Variants in CDHR2 observed in about 807,000 individuals in gnomAD.
The protein encoded by CDHR2 is cadherin-related family member 2.
Under a neutral mutation model 138.6 loss-of-function variants are expected in CDHR2, and 104 were observed. The observed-to-expected ratio is 0.75, with a 90% CI of 0.64 to 0.88. The LOEUF is 0.88. CDHR2 is among the 40% of genes least tolerant of loss of function. The pLI is 0.00. For missense variants in CDHR2, 1,624 were observed against 1,727.6 expected, an observed-to-expected ratio of 0.94 and a Z score of 1.06; for synonymous variants, 755 against 742.8, an observed-to-expected ratio of 1.02 and a Z score of -0.27.
chr5:176,546,237 T>C (rs933135769), upstream of CDHR2, among the ~76,000 whole-genome samples: 1 of 152,172 alleles, frequency 6.6e-6, no homozygotes, highest in Non-Finnish European at 1.5e-5. Context: ...TGCACAGATA[T>C]GCTAATATCT....
intron 30 of CDHR2, among the ~76,000 whole-genome samples, chr5:176,592,149 GATGACA>G (rs1361267637): frequency 2.9e-5 from 4 of 136,250 alleles, no homozygotes; most frequent in South Asian, 2.5e-4. Context: ...TGATGGTGAT[GATGACA>G]ATGATGATGG....
At chr5:176,569,296 T>TC (rs1216116033) in intron 5 of CDHR2, among the ~76,000 whole-genome samples, 1 of 150,876 alleles carries the variant, frequency 6.6e-6, no homozygotes, top group Non-Finnish European at 1.5e-5. Flanking sequence ...TGTTTTTTTT[T>TC]TTTTTGAGAC....
At chr5:176,566,042 C>T (rs549106662) in intron 3 of CDHR2, among the ~76,000 whole-genome samples, 1 of 152,146 alleles carries the variant, frequency 6.6e-6, no homozygotes, top group South Asian at 2.1e-4. Flanking sequence ...CCCCTTGGGC[C>T]ACGCTTCCTC....
Position 176,553,568 on chromosome 5 carries a change from A to C in CDHR2, c.-16+4154A>C, listed in dbSNP as rs1757757738. On this transcript the variant is annotated intron_variant, in intron 1 of 31. Transcript: ENST00000261944. The surrounding 1 kb of genome is among the most constrained non-coding windows in gnomAD (Gnocchi z 4.3). ...TCATTTCTGAAGGACAGAACATGAG[A>C]GAAAAAAGTGAGGAGGGAGGTAGGT... Among the ~76,000 whole-genome samples the C allele has an allele frequency of 6.6e-6, 1 of 152,144 alleles. No homozygotes were observed. Among genetic ancestry groups the C allele is most frequent in the Non-Finnish European group, 1.5e-5 (1 of 68,002 alleles).
upstream of CDHR2, among the ~76,000 whole-genome samples, chr5:176,545,608 T>A (rs116619909): frequency 1.2e-4 from 19 of 152,300 alleles, no homozygotes; most frequent in African/African-American, 4.6e-4. Context: ...AACAGGCCTA[T>A]GAGGTGGAGT....
Position 176,584,110 on chromosome 5 carries a change from C to T in CDHR2, c.2059-80C>T, listed in dbSNP as rs1463145956. 1.8e-5 allele frequency: 22 copies of T among 1,193,502 alleles called. No homozygotes were observed. The East Asian group carries it at 5.2e-4, about 28-fold the overall frequency. 73.9% of individuals were successfully genotyped at this position (1,193,502 alleles called of 1,614,324 possible). A position where few individuals can be genotyped will look rare whatever the true frequency, so the allele number is the denominator to read the frequency against. On this transcript the variant is annotated intron_variant, in intron 17 of 31. Transcript: ENST00000261944. ...CTAGTAGAGTCCATGCCTTGGAGCACAGGGATTATTGGTTTCTCGGATTGG... is the reference window on the plus strand; with the variant it reads ...CTAGTAGAGTCCATGCCTTGGAGCATAGGGATTATTGGTTTCTCGGATTGG...
intron 20 of CDHR2, 142 bp downstream of exon 20, chr5:176,586,167 A>G: frequency 1.5e-6 from 1 of 655,764 alleles, no homozygotes; most frequent in South Asian, 1.8e-5. Context: ...CTAGGGCTGC[A>G]ATAGGAGAGG....
At chr5:176,572,088 TA>T (rs1371769556) in intron 6 of CDHR2, among the ~76,000 whole-genome samples, 1 of 151,892 alleles carries the variant, frequency 6.6e-6, no homozygotes. Flanking sequence ...CATGTGGTGA[TA>T]AAAGTACAGG....
intron 16 of CDHR2, among the ~76,000 whole-genome samples, chr5:176,579,526 C>A (rs1758478298): frequency 6.6e-6 from 1 of 152,150 alleles, no homozygotes; most frequent in Admixed American, 6.5e-5. Flanking sequence ...AGGAGCATTT[C>A]TGGTCGGCTG....
At chr5:176,586,401 GGC>G (rs1309745486) in intron 20 of CDHR2, among the ~76,000 whole-genome samples, 2 of 152,268 alleles carry the variant, frequency 1.3e-5, no homozygotes, top group East Asian at 3.9e-4. Context: ...TCATTGTGTT[GGC>G]CAGACTGGTC....
chr5:176,569,751 G>C (rs1350732871), intron 5 of CDHR2, among the ~76,000 whole-genome samples: 1 of 151,990 alleles, frequency 6.6e-6, no homozygotes, highest in Non-Finnish European at 1.5e-5. Flanking sequence ...CTGAGGTCAG[G>C]GGTTCAAGAC....
chr5:176,566,020 TGACTG>T (rs1221645209), intron 3 of CDHR2, among the ~76,000 whole-genome samples: 2 of 151,632 alleles, frequency 1.3e-5, no homozygotes, highest in Non-Finnish European at 2.9e-5. Context: ...TTTCAGTCTC[TGACTG>T]GAGGATCCCC....
At chr5:176,579,672 T>C (rs1758480752) in intron 16 of CDHR2, among the ~76,000 whole-genome samples, 1 of 152,148 alleles carries the variant, frequency 6.6e-6, no homozygotes, top group Non-Finnish European at 1.5e-5. Context: ...TTTCAAAGGA[T>C]GCATGTAATA....
chr5:176,573,561 C>T (rs975221156), intron 6 of CDHR2, among the ~76,000 whole-genome samples: 3 of 151,734 alleles, frequency 2.0e-5, no homozygotes, highest in Admixed American at 6.6e-5. Flanking sequence ...GCAGGAGAAT[C>T]GCTTAAACCC....
intron 30 of CDHR2, chr5:176,591,753 GAT>G (rs1758857000): frequency 5.7e-6 from 1 of 176,514 alleles, no homozygotes; most frequent in African/African-American, 3.7e-5. Context: ...TGATGGTGGT[GAT>G]GATGGTGATG....
chr5:176,577,499 T>C lies in CDHR2; in HGVS notation c.1295T>C (p.Leu432Pro). The change falls in exon 13 of 32, where the codon CTG becomes CCG. Residue 432 changes from leucine to proline, a missense_variant. Transcript: ENST00000261944. ...GTGGGCTCAGCCTCCGTTCAGGTGC[T>C]GGTGAGAGTATCCGCGCTGGTGGAC... ...RAVGSASVQV[L>P]VRVSALVDYE... The C allele has an allele frequency of 6.2e-7, 1 of 1,612,508 alleles. No individual in the cohort carries two copies. Among genetic ancestry groups the C allele is most frequent in the Admixed American group, 1.7e-5 (1 of 59,770 alleles).
chr5:176,568,541 G>A (rs1046726718), intron 3 of CDHR2, 137 bp from the exon 4 acceptor site: 2 of 879,646 alleles, frequency 2.3e-6, no homozygotes, highest in Non-Finnish European at 3.4e-6. Context: ...TTGGCTGATG[G>A]TTGGGGAGGT....
At chr5:176,564,337 C>G (rs987685025) in intron 1 of CDHR2, among the ~76,000 whole-genome samples, 2 of 152,210 alleles carry the variant, frequency 1.3e-5, no homozygotes, top group African/African-American at 4.8e-5. Flanking sequence ...AGGCACCCAC[C>G]ACCATGCCCG....
At chr5:176,554,754 G>A (rs1005166014) in intron 1 of CDHR2, among the ~76,000 whole-genome samples, 4 of 152,146 alleles carry the variant, frequency 2.6e-5, no homozygotes, top group South Asian at 2.1e-4. Flanking sequence ...TCCACCTCCC[G>A]GGTTCACACC....
Sources: allele counts gnomAD v4.1 joint callset (sites outside exome capture counted in the v4.1 genomes callset), GRCh38; gene constraint gnomAD v4.1.1; non-coding constraint Gnocchi (gnomAD v3.1); transcripts MANE v1.5; gene names NCBI Gene and HGNC (gene_info 2026-07-23, HGNC 2026-07-21).